The following ADAMTSL1 variants were observed in gnomAD, a reference collection of about 807,000 sequenced individuals.
ADAMTSL1 encodes ADAMTS like 1.
In ADAMTSL1, 126 loss-of-function variants were observed where a neutral mutation model predicts 201.8. The observed-to-expected ratio is 0.62, with a 90% confidence interval of 0.54 to 0.72. The LOEUF (loss-of-function observed/expected upper bound fraction) is 0.72. Among genes scored for constraint, ADAMTSL1 ranks in the 30% least tolerant of loss-of-function variants. The pLI, the probability that ADAMTSL1 is intolerant of heterozygous loss-of-function variation, is 0.00. For synonymous variants in ADAMTSL1, 1,121 were observed against 903.4 expected (o/e 1.24, Z -4.32); for missense variants, 2,679 against 2,277.8 (o/e 1.18, Z -3.59).
intron 18 of ADAMTSL1, among the ~76,000 whole-genome samples, 171 bp from the exon 19 acceptor site, chr9:18,776,610 C>A (rs1208461168): frequency 6.6e-6 from 1 of 152,196 alleles, no homozygotes; most frequent in Non-Finnish European, 1.5e-5. Context: ...ATGGCCCCGG[C>A]CAAAATAAAC....
intron 4 of ADAMTSL1, among the ~76,000 whole-genome samples, chr9:18,591,921 A>C (rs572027458): frequency 6.6e-6 from 1 of 152,212 alleles, no homozygotes; most frequent in East Asian, 1.9e-4. Context: ...GCAAGAGTTC[A>C]GGTGAGTATG....
At chr9:18,047,052 G>C (rs1288514121) in intron 1 of ADAMTSL1, among the ~76,000 whole-genome samples, 1 of 152,028 alleles carries the variant, frequency 6.6e-6, no homozygotes, top group Non-Finnish European at 1.5e-5. Context: ...TGACTACATA[G>C]GATAATGGGG....
intron 1 of ADAMTSL1, among the ~76,000 whole-genome samples, chr9:17,977,896 A>G (rs764267541): frequency 9.9e-5 from 15 of 151,992 alleles, no homozygotes; most frequent in Non-Finnish European, 2.1e-4. Context: ...TTCTGTTTGG[A>G]TGAAAGTGGC....
Position 18,036,252 on chromosome 9 carries a change from C to T in ADAMTSL1, c.88-127610C>T, listed in dbSNP as rs183225233. 3.9e-5 allele frequency among the ~76,000 whole-genome samples: 6 copies of T among 152,238 alleles called. No individual in the cohort carries two copies. The East Asian group carries it at 1.2e-3, about 29-fold the overall frequency. On this transcript the variant is annotated intron_variant, in intron 1 of 29. Transcript: ENST00000680146. ...GAAAGAGGAAGGCAGGCTGGCCCTG[C>T]AAAAAGAGAGGCAGGGAAGAGGTTG...
At position 18,075,418 on chromosome 9, in the gene ADAMTSL1, C is replaced by T. The variant is rs150341108; in HGVS notation, c.88-88444C>T. On this transcript the variant is annotated intron_variant, in intron 1 of 29. Transcript: ENST00000680146. ...TTAACATGGGTGGGAGCCACAAGTA[C>T]GTTGGGACTCACCCCACCCTATCCC... Among the ~76,000 whole-genome samples, 1,281 of 152,256 alleles carry T rather than the reference C, an allele frequency of 8.4e-3. 28 individuals carry two copies. Among genetic ancestry groups the T allele is most frequent in the African/African-American group, 0.029 (1,212 of 41,540 alleles).
chr9:18,112,256 A>G (rs980799045), intron 1 of ADAMTSL1, among the ~76,000 whole-genome samples: 1 of 152,132 alleles, frequency 6.6e-6, no homozygotes, highest in Non-Finnish European at 1.5e-5. Context: ...GCCTTAGTCC[A>G]TCTGAGTTCA....
chr9:18,513,476 C>A (rs1197770538), intron 2 of ADAMTSL1, among the ~76,000 whole-genome samples: 5 of 152,160 alleles, frequency 3.3e-5, no homozygotes, highest in Non-Finnish European at 7.3e-5. Context: ...CTTTCCCTTG[C>A]CGTGCAGACT....
chr9:18,656,704 C>G (rs191403041), intron 7 of ADAMTSL1, among the ~76,000 whole-genome samples: 50 of 150,830 alleles, frequency 3.3e-4, no homozygotes, highest in African/African-American at 1.0e-3. Context: ...TTCAGTTGGA[C>G]TCTGATACTT....
intron 1 of ADAMTSL1, among the ~76,000 whole-genome samples, chr9:18,081,023 C>T (rs965530076): frequency 2.0e-5 from 3 of 152,136 alleles, no homozygotes; most frequent in Middle Eastern, 3.2e-3. Flanking sequence ...AAACCAAAAA[C>T]ATTTCTAGTT....
At chr9:18,713,166 C>T (rs1041626810) in intron 14 of ADAMTSL1, among the ~76,000 whole-genome samples, 7 of 151,336 alleles carry the variant, frequency 4.6e-5, no homozygotes, top group African/African-American at 1.5e-4. Context: ...TAAAGACCAT[C>T]GAGACTGGGA....
In ADAMTSL1 at chr9:18,777,327, G is replaced by C. The variant is rs1821097145; in HGVS notation, c.3098G>C (p.Gly1033Ala). ...DLVSRLLEQG[G>A]WPGELLASWE... ...GTCTCCCGGCTGCTGGAGCAGGGCG[G>C]CTGGCCCGGAGAGCTGCTGGCCTCG... is the stretch of plus-strand genomic sequence containing the variant. The change falls in exon 19 of 29, where the codon GGC (glycine) becomes GCC (alanine). Residue 1033 changes from glycine (G) to alanine (A), a missense_variant. Physicochemically the swap from Gly to Ala is moderately conservative, Grantham distance 60. Transcript: ENST00000380548. 1.9e-6 allele frequency: 3 copies of C among 1,601,002 alleles called. No individual in the cohort carries two copies. The African/African-American group carries it at 4.0e-5, about 21-fold the overall frequency.
chr9:18,194,348 A>G (rs1187357153), intron 2 of ADAMTSL1, among the ~76,000 whole-genome samples: 1 of 152,132 alleles, frequency 6.6e-6, no homozygotes, highest in Admixed American at 6.6e-5. Flanking sequence ...TGACAGGGGA[A>G]CACATGATTA....
chr9:18,618,542 A>T (rs1179504462), intron 4 of ADAMTSL1, among the ~76,000 whole-genome samples: 1 of 151,656 alleles, frequency 6.6e-6, no homozygotes, highest in Admixed American at 6.6e-5. Context: ...AAAAAAACAA[A>T]ATAATAGTGG....
rs1215792596 is a variant in ADAMTSL1 at position 18,758,162 on chromosome 9, G to A, written c.2217+4654G>A. On this transcript the variant is annotated intron_variant, in intron 16 of 28. Transcript: ENST00000380548. ...GTGAGGAAACCAAGTCACAAGGCTG[G>A]TAAATGTGAAAGGGGCCCTGTGTGC... Among the ~76,000 whole-genome samples the A allele has an allele frequency of 2.0e-5, 3 of 152,172 alleles. No homozygotes were observed. The East Asian group carries it at 5.8e-4, about 29-fold the overall frequency.
At chr9:18,198,890 A>T (rs898232737) in intron 2 of ADAMTSL1, among the ~76,000 whole-genome samples, 14 of 142,718 alleles carry the variant, frequency 9.8e-5, no homozygotes, top group Non-Finnish European at 1.7e-4. Flanking sequence ...CTGGATTAAG[A>T]AAATGTGGCA....
intron 13 of ADAMTSL1, among the ~76,000 whole-genome samples, chr9:18,698,598 C>G (rs1029776350): frequency 4.6e-5 from 7 of 152,078 alleles, no homozygotes; most frequent in Non-Finnish European, 8.8e-5. Flanking sequence ...TGCCACTGCA[C>G]TCAGCCAATA....
chr9:18,319,395 T>C (rs1834533229), intron 2 of ADAMTSL1, among the ~76,000 whole-genome samples: 1 of 152,078 alleles, frequency 6.6e-6, no homozygotes, highest in Admixed American at 6.5e-5. Flanking sequence ...TGCAAAACAG[T>C]CTTAATGTAA....
chr9:18,621,556 CCACACA>C lies in ADAMTSL1; in HGVS notation c.475-648_475-643del, dbSNP rs57351480. 6.3e-3 allele frequency among the ~76,000 whole-genome samples: 899 copies of C among 143,708 alleles called. 7 individuals carry two copies. The highest frequency in any genetic ancestry group is 0.013 in the African/African-American group (512 of 38,228). The allele number at this position is 143,708 out of a possible 152,430, so 94.3% of individuals were successfully genotyped here. A position where few individuals can be genotyped will look rare whatever the true frequency, so the allele number is the denominator to read the frequency against. ...CTGCCCTTCATGCAACCGTCCTCTT[CCACACA>C]CACACACACACACACACACACACAC... is the stretch of plus-strand genomic sequence containing the variant. On this transcript the variant is annotated intron_variant, in intron 4 of 28. Transcript: ENST00000380548.
intron 1 of ADAMTSL1, among the ~76,000 whole-genome samples, chr9:18,068,526 C>T (rs993380491): frequency 1.3e-5 from 2 of 151,982 alleles, no homozygotes; most frequent in African/African-American, 4.8e-5. Context: ...TAGAACCAAT[C>T]CTCCATGGAT....
Sources: allele counts gnomAD v4.1 joint callset (sites outside exome capture counted in the v4.1 genomes callset), GRCh38; gene constraint gnomAD v4.1.1; transcripts MANE v1.5; gene names NCBI Gene and HGNC (gene_info 2026-07-23, HGNC 2026-07-21).